Variants in UHRF2 observed in about 807,000 individuals in gnomAD.
UHRF2 encodes the protein ubiquitin like with PHD and ring finger domains 2.
UHRF2 carries 23 observed loss-of-function variants against 96.8 expected under a neutral mutation model. The observed-to-expected ratio is 0.24, with a 90% CI of 0.17 to 0.34. The LOEUF (loss-of-function observed/expected upper bound fraction) is 0.34. Among genes scored for constraint, UHRF2 ranks in the 10% least tolerant of loss-of-function variants. The probability of loss-of-function intolerance (pLI) is 1.00; values close to 1 mark genes in which losing one functional copy is unlikely to be tolerated. For synonymous variants in UHRF2, 385 were observed against 332.6 expected (o/e 1.16, Z -1.72); for missense variants, 685 against 981.5 (o/e 0.70, Z 4.04).
At chr9:6,474,598 T>C (rs1823450556) in intron 4 of UHRF2, among the ~76,000 whole-genome samples, 1 of 152,080 alleles carries the variant, frequency 6.6e-6, no homozygotes, top group East Asian at 1.9e-4. Context: ...CCCAGCTACT[T>C]GGAAGGCTGA....
At chr9:6,450,551 G>T (rs16924562) in intron 3 of UHRF2, among the ~76,000 whole-genome samples, 26,992 of 152,036 alleles carry the variant, frequency 0.18, 2,530 homozygotes, top group East Asian at 0.26. Context: ...CTTTTCTGTG[G>T]TAAGATTCAG....
Position 6,481,563 on chromosome 9 carries a change from T to A in UHRF2, c.1161-80T>A, listed in dbSNP as rs567119708. 9 of 1,528,360 alleles carry A rather than the reference T, an allele frequency of 5.9e-6. No individual in the cohort carries two copies. The African/African-American group carries it at 1.2e-4, about 21-fold the overall frequency. 94.7% of individuals were successfully genotyped at this position (1,528,360 alleles called of 1,614,324 possible). ...AATAATACATCTTAAAACTTGCTCT[T>A]ACCTAGGAAGGCTAATATTCTGTTA... On this transcript the variant is annotated intron_variant, in intron 6 of 15. Transcript: ENST00000276893.
chr9:6,502,576 G>C (rs539030390), intron 14 of UHRF2, among the ~76,000 whole-genome samples: 1 of 152,296 alleles, frequency 6.6e-6, no homozygotes, highest in African/African-American at 2.4e-5. Flanking sequence ...GCATGAGTCA[G>C]TTTGCTCTGT....
intron 1 of UHRF2, among the ~76,000 whole-genome samples, chr9:6,420,457 CT>C (rs1477342173): frequency 1.3e-5 from 2 of 150,800 alleles, no homozygotes; most frequent in African/African-American, 2.4e-5. Flanking sequence ...AATCCCAGCA[CT>C]TTGGGAGGTC....
At chr9:6,479,018 C>T (rs1185441685) in intron 6 of UHRF2, among the ~76,000 whole-genome samples, 1 of 152,152 alleles carries the variant, frequency 6.6e-6, no homozygotes, top group Non-Finnish European at 1.5e-5. Context: ...CCAGAAACTT[C>T]ACTTCTTCAG....
intron 4 of UHRF2, among the ~76,000 whole-genome samples, chr9:6,466,745 C>T (rs865856943): frequency 3.3e-5 from 5 of 152,280 alleles, no homozygotes; most frequent in Middle Eastern, 3.4e-3. Flanking sequence ...CACTGTGCTT[C>T]GGCCATGCTG....
intron 3 of UHRF2, among the ~76,000 whole-genome samples, chr9:6,444,455 A>G (rs1821370116): frequency 6.6e-6 from 1 of 152,222 alleles, no homozygotes; most frequent in Non-Finnish European, 1.5e-5. Context: ...TCAAACTTAT[A>G]TATCGTCCCT....
chr9:6,462,911 T>C (rs1039020126), intron 4 of UHRF2, among the ~76,000 whole-genome samples: 2 of 151,888 alleles, frequency 1.3e-5, no homozygotes, highest in African/African-American at 4.8e-5. Flanking sequence ...AGCGAGACTC[T>C]GTCTAAAAAA....
chr9:6,422,099 A>G (rs893997017), intron 2 of UHRF2, among the ~76,000 whole-genome samples: 5 of 152,212 alleles, frequency 3.3e-5, no homozygotes, highest in African/African-American at 1.2e-4. Flanking sequence ...ATTTCTACCT[A>G]GGAATAGAAG....
At chr9:6,473,350 C>T (rs187755499) in intron 4 of UHRF2, among the ~76,000 whole-genome samples, 6 of 152,262 alleles carry the variant, frequency 3.9e-5, no homozygotes, top group Non-Finnish European at 8.8e-5. Flanking sequence ...TTTAAAACTG[C>T]TAAGTCAGCA....
chr9:6,424,726 G>A (rs1820143690), intron 2 of UHRF2, among the ~76,000 whole-genome samples: 1 of 148,350 alleles, frequency 6.7e-6, no homozygotes, highest in African/African-American at 2.5e-5. Flanking sequence ...ATACTATACT[G>A]TGTGTAGTTT....
At chr9:6,488,885 T>C (rs980355624) in intron 9 of UHRF2, among the ~76,000 whole-genome samples, 1 of 152,030 alleles carries the variant, frequency 6.6e-6, no homozygotes, top group African/African-American at 2.4e-5. Context: ...CGATTTCGGC[T>C]CACTGCAACC....
In UHRF2 at chr9:6,481,663, C is replaced by T. The variant is rs1315714348; in HGVS notation, c.1181C>T (p.Thr394Ile). Residue 394 changes from threonine to isoleucine, a missense_variant, in exon 7 of 16, where the codon ACT (threonine) becomes ATT (isoleucine). Physicochemically the swap from Thr to Ile is moderately conservative, Grantham distance 89. Coordinates refer to ENST00000276893, the MANE Select transcript of UHRF2 (RefSeq NM_152896.3). Reference sequence around the variant, plus strand: ...TAAAGGTATTGTCCTTCTTGTAAAACTGATTCCAGTGAAGTTGTAAAGGCT... The same window carrying T: ...TAAAGGTATTGTCCTTCTTGTAAAATTGATTCCAGTGAAGTTGTAAAGGCT... Reference protein sequence around the residue: ...EEYWYCPSCKTDSSEVVKAGE... With the variant: ...EEYWYCPSCKIDSSEVVKAGE... 6.2e-7 allele frequency: 1 copy of T among 1,613,068 alleles called. No homozygotes were observed. The highest frequency in any genetic ancestry group is 8.5e-7 in the Non-Finnish European group (1 of 1,179,610).
In UHRF2 at chr9:6,476,920, C is replaced by G. The variant is rs1823608341; in HGVS notation, c.974-702C>G. Among the ~76,000 whole-genome samples the G allele has an allele frequency of 2.0e-5, 3 of 152,104 alleles. No individual in the cohort carries two copies. The South Asian group carries it at 6.2e-4, about 32-fold the overall frequency. ...AGGCATTTATTCTTAAAACCTCACA[C>G]TTGATTATTCTTTTTGGTTCCTTTC... On this transcript the variant is annotated intron_variant, in intron 5 of 15. Coordinates refer to ENST00000276893, the MANE Select transcript of UHRF2 (RefSeq NM_152896.3).
intron 14 of UHRF2, among the ~76,000 whole-genome samples, chr9:6,502,171 C>G (rs1816325240): frequency 1.3e-5 from 2 of 152,160 alleles, no homozygotes; most frequent in South Asian, 2.1e-4. Flanking sequence ...ATATTTATGT[C>G]CAAACTCCTT....
At chr9:6,467,544 A>G (rs1822944411) in intron 4 of UHRF2, among the ~76,000 whole-genome samples, 1 of 149,192 alleles carries the variant, frequency 6.7e-6, no homozygotes, top group South Asian at 2.1e-4. Flanking sequence ...TGTTCTAGGC[A>G]CTAGTTACAA....
chr9:6,419,247 A>G (rs1485826599), intron 1 of UHRF2, among the ~76,000 whole-genome samples: 1 of 152,222 alleles, frequency 6.6e-6, no homozygotes, highest in Admixed American at 6.5e-5. Context: ...TTACCTCTTT[A>G]AAAGACTGTT....
At chr9:6,482,530 C>G (rs1180640448) in intron 8 of UHRF2, among the ~76,000 whole-genome samples, 4 of 151,582 alleles carry the variant, frequency 2.6e-5, no homozygotes, top group Admixed American at 6.6e-5. Flanking sequence ...CCAGCTAATC[C>G]AAGAATAAAA....
At chr9:6,467,087 G>C (rs1225686918) in intron 4 of UHRF2, among the ~76,000 whole-genome samples, 2 of 152,178 alleles carry the variant, frequency 1.3e-5, no homozygotes, top group Non-Finnish European at 2.9e-5. Context: ...ACAGTTTGGA[G>C]GTTAGAAATC....
Sources: allele counts gnomAD v4.1 joint callset (sites outside exome capture counted in the v4.1 genomes callset), GRCh38; gene constraint gnomAD v4.1.1; transcripts MANE v1.5; gene names NCBI Gene and HGNC (gene_info 2026-07-23, HGNC 2026-07-21).